The following ROBO1 variants were observed in gnomAD, a reference collection of about 807,000 sequenced individuals.
The protein encoded by ROBO1 is roundabout homolog 1.
A neutral mutation model predicts 195.9 loss-of-function variants in ROBO1; 149 were observed. The ratio of observed to expected loss-of-function variants is 0.76; its 90% confidence interval spans 0.67 to 0.87. The LOEUF (loss-of-function observed/expected upper bound fraction) is 0.87. Ranked by LOEUF, ROBO1 falls within the 40% of genes least tolerant of loss-of-function variation. The pLI is 0.00. For synonymous variants in ROBO1, 816 were observed against 733.2 expected (o/e 1.11, Z -1.82); for missense variants, 1,933 against 2,068.3 (o/e 0.93, Z 1.27).
intron 4 of ROBO1, among the ~76,000 whole-genome samples, chr3:78,802,319 C>T (rs2084394421): frequency 6.6e-6 from 1 of 152,124 alleles, no homozygotes; most frequent in African/African-American, 2.4e-5. Flanking sequence ...CCTTGGGAAA[C>T]TAGTTGCAAG....
intron 1 of ROBO1, among the ~76,000 whole-genome samples, chr3:79,767,532 T>A (rs1227412972): frequency 6.6e-6 from 1 of 152,158 alleles, no homozygotes; most frequent in East Asian, 1.9e-4. Flanking sequence ...ACTTGTTGAA[T>A]CCCTCCCGAT....
chr3:79,688,737 A>G (rs1947210552), intron 1 of ROBO1, among the ~76,000 whole-genome samples: 1 of 151,990 alleles, frequency 6.6e-6, no homozygotes, highest in Non-Finnish European at 1.5e-5. Context: ...TTTTGTTGGG[A>G]CTGACAGAAG....
At chr3:78,999,035 C>G (rs561936223) in intron 3 of ROBO1, among the ~76,000 whole-genome samples, 4 of 152,026 alleles carry the variant, frequency 2.6e-5, no homozygotes, top group African/African-American at 9.6e-5. Flanking sequence ...TCACACCACT[C>G]AGAATGGCTA....
At chr3:79,270,493 T>C (rs1263843628) in intron 2 of ROBO1, among the ~76,000 whole-genome samples, 1 of 151,552 alleles carries the variant, frequency 6.6e-6, no homozygotes, top group Non-Finnish European at 1.5e-5. Context: ...ACAAAATTTA[T>C]GCATGCCCTA....
intron 2 of ROBO1, among the ~76,000 whole-genome samples, chr3:79,521,582 A>C (rs1486179975): frequency 2.0e-5 from 3 of 152,188 alleles, no homozygotes; most frequent in Non-Finnish European, 4.4e-5. Flanking sequence ...CTATCGAAAA[A>C]AGGTTAAAAT....
chr3:79,040,823 G>C (rs2078474046), intron 3 of ROBO1, among the ~76,000 whole-genome samples: 1 of 151,952 alleles, frequency 6.6e-6, no homozygotes, highest in Non-Finnish European at 1.5e-5. Context: ...GTATTCAATT[G>C]TGTAATACTT....
chr3:79,766,575 G>A lies in ROBO1; in HGVS notation c.-51+1177C>T, dbSNP rs533405777. On this transcript the variant is annotated intron_variant, in intron 1 of 30. Transcript: ENST00000464233. ...CAGAAGCCGTCTCTGCAGCGCCGCT[G>A]CCCCGGGTGGAGCGGCAGCCCAGGC... Among the ~76,000 whole-genome samples, 349 of 152,074 alleles carry A rather than the reference G, an allele frequency of 2.3e-3. 2 individuals carry two copies. The highest frequency in any genetic ancestry group is 7.9e-3 in the African/African-American group (330 of 41,520).
chr3:79,174,005 A>G (rs1033934989), intron 2 of ROBO1, among the ~76,000 whole-genome samples: 11 of 152,166 alleles, frequency 7.2e-5, no homozygotes, highest in African/African-American at 2.2e-4. Context: ...AAACGCACCA[A>G]TCAGTGCCCT....
intron 4 of ROBO1, among the ~76,000 whole-genome samples, chr3:78,915,038 G>C (rs115809873): frequency 0.013 from 1,970 of 152,078 alleles, 40 homozygotes; most frequent in African/African-American, 0.046. Flanking sequence ...AAACTGAGAA[G>C]ACAGAAACGA....
chr3:79,521,732 A>AC (rs35368322), intron 2 of ROBO1, among the ~76,000 whole-genome samples: 2 of 151,878 alleles, frequency 1.3e-5, no homozygotes, highest in African/African-American at 2.4e-5. Flanking sequence ...ATTTGTCACC[A>AC]CCCCCCACCC....
intron 3 of ROBO1, among the ~76,000 whole-genome samples, chr3:79,123,929 T>C (rs1406838996): frequency 6.6e-6 from 1 of 152,108 alleles, no homozygotes; most frequent in Admixed American, 6.5e-5. Flanking sequence ...ACATGATTTA[T>C]TCATTACTTA....
At chr3:78,643,348 C>T (rs1706084420) in intron 21 of ROBO1, among the ~76,000 whole-genome samples, 1 of 152,210 alleles carries the variant, frequency 6.6e-6, no homozygotes, top group South Asian at 2.1e-4. Flanking sequence ...CCATAATTCA[C>T]TGACCTCTGA....
At chr3:79,262,664 G>C (rs1047171636) in intron 2 of ROBO1, among the ~76,000 whole-genome samples, 4 of 151,932 alleles carry the variant, frequency 2.6e-5, no homozygotes, top group African/African-American at 7.2e-5. Context: ...AAAGTACAAA[G>C]AGAAATTGCT....
intron 1 of ROBO1, among the ~76,000 whole-genome samples, chr3:79,709,272 T>A (rs1702180888): frequency 6.6e-6 from 1 of 152,142 alleles, no homozygotes; most frequent in Admixed American, 6.6e-5. Flanking sequence ...TAGCCTATTA[T>A]ATTACAGCTA....
intron 3 of ROBO1, among the ~76,000 whole-genome samples, chr3:79,046,468 A>G (rs1398644217): frequency 6.6e-6 from 1 of 152,056 alleles, no homozygotes; most frequent in Non-Finnish European, 1.5e-5. Flanking sequence ...ACATATATAT[A>G]ATAACTATAT....
intron 8 of ROBO1, among the ~76,000 whole-genome samples, chr3:78,711,420 T>TTTCC (rs2081730718): frequency 9.2e-6 from 1 of 109,266 alleles, no homozygotes; most frequent in African/African-American, 3.8e-5. Context: ...TCTTTCTTTC[T>TTTCC]TTCTTTCTTT....
intron 18 of ROBO1, among the ~76,000 whole-genome samples, chr3:78,653,445 T>C (rs1221922163): frequency 1.3e-5 from 2 of 152,150 alleles, no homozygotes; most frequent in Admixed American, 6.5e-5. Flanking sequence ...AACCCACCAG[T>C]AGGAACTCCC....
In ROBO1 at chr3:78,940,446, T is replaced by TTCA. The variant is rs2040069577; in HGVS notation, c.173-1520_173-1519insTGA. 2.0e-5 allele frequency among the ~76,000 whole-genome samples: 3 copies of TTCA among 152,110 alleles called. No individual in the cohort carries two copies. In the South Asian group the frequency reaches 6.2e-4, roughly 32 times the overall value. On this transcript the variant is annotated intron_variant, in intron 3 of 30. Transcript: ENST00000464233. ...AAGTCTTTAACTAGACCTACAAGAG[T>TTCA]TAGCCTGTTCATTCCCTGATCCACC...
At chr3:79,503,303 C>T (rs1940212126) in intron 2 of ROBO1, among the ~76,000 whole-genome samples, 1 of 152,116 alleles carries the variant, frequency 6.6e-6, no homozygotes, top group African/African-American at 2.4e-5. Flanking sequence ...CACGAACCCA[C>T]CAGAAGGAAG....
Sources: allele counts gnomAD v4.1 joint callset (sites outside exome capture counted in the v4.1 genomes callset), GRCh38; gene constraint gnomAD v4.1.1; transcripts MANE v1.5; gene names NCBI Gene and HGNC (gene_info 2026-07-23, HGNC 2026-07-21).